The following MAF variants were observed in gnomAD, a reference collection of about 807,000 sequenced individuals.
The protein encoded by MAF is transcription factor Maf.
In MAF, 10 loss-of-function variants were observed where a neutral mutation model predicts 22.0. That is an observed-to-expected ratio of 0.45 (90% confidence interval 0.28 to 0.77). The LOEUF (loss-of-function observed/expected upper bound fraction) is 0.77, where lower values mean the gene tolerates loss of function less well. MAF is among the 30% of genes least tolerant of loss of function. The pLI is 0.12. For missense variants in MAF, 544 were observed against 548.4 expected (o/e 0.99, Z 0.08); for synonymous variants, 337 against 255.8 (o/e 1.32, Z -3.03).
At chr16:79,555,763 C>T in the MAF span, among the ~76,000 whole-genome samples, 21 of 152,302 alleles carry the variant, frequency 1.4e-4, no homozygotes, top group South Asian at 4.1e-3. Context: ...ATCCAAGACA[C>T]TTCTGATCTC....
the MAF span, among the ~76,000 whole-genome samples, chr16:79,483,968 C>A: frequency 1.3e-5 from 2 of 152,066 alleles, no homozygotes; most frequent in African/African-American, 4.8e-5. Flanking sequence ...TTGACAAATA[C>A]CAGTGGTGGT....
At chr16:79,428,372 C>G in the MAF span, among the ~76,000 whole-genome samples, 3 of 152,162 alleles carry the variant, frequency 2.0e-5, no homozygotes, top group African/African-American at 7.2e-5. Flanking sequence ...GCAGCCACCT[C>G]TAGCTGACCC....
chr16:79,314,918 G>A, the MAF span, among the ~76,000 whole-genome samples: 2 of 152,154 alleles, frequency 1.3e-5, no homozygotes, highest in Non-Finnish European at 2.9e-5. Context: ...CCCCATTGCA[G>A]GAAGTGACCT....
the MAF span, among the ~76,000 whole-genome samples, chr16:79,412,707 AGTT>A: frequency 2.6e-5 from 4 of 152,216 alleles, no homozygotes; most frequent in African/African-American, 9.6e-5. Flanking sequence ...AGGCTCCAGC[AGTT>A]GTTGTTAAGA....
chr16:79,230,569 C>G, the MAF span, among the ~76,000 whole-genome samples: 1 of 152,132 alleles, frequency 6.6e-6, no homozygotes, highest in Non-Finnish European at 1.5e-5. Context: ...GGTTCTACAG[C>G]TGAGCAACCT....
chr16:79,412,066 AGAGT>A, the MAF span, among the ~76,000 whole-genome samples: 2 of 152,220 alleles, frequency 1.3e-5, no homozygotes, highest in African/African-American at 2.4e-5. Context: ...CGTCAGGCAG[AGAGT>A]GAGTGTTTTC....
At chr16:79,524,913 C>A in the MAF span, among the ~76,000 whole-genome samples, 1 of 152,166 alleles carries the variant, frequency 6.6e-6, no homozygotes, top group African/African-American at 2.4e-5. Flanking sequence ...AACACGCACA[C>A]AGATACAGCC....
the MAF span, among the ~76,000 whole-genome samples, chr16:79,232,576 A>G: frequency 6.6e-6 from 1 of 152,044 alleles, no homozygotes; most frequent in Non-Finnish European, 1.5e-5. Context: ...TTAGAAGGAC[A>G]TTTCAGGCTT....
the MAF span, among the ~76,000 whole-genome samples, chr16:79,303,215 A>C: frequency 6.6e-6 from 1 of 152,240 alleles, no homozygotes; most frequent in African/African-American, 2.4e-5. Context: ...GAAGCATCTG[A>C]CTCTCATCTT....
the MAF span, among the ~76,000 whole-genome samples, chr16:79,259,738 G>C: frequency 6.6e-6 from 1 of 152,192 alleles, no homozygotes; most frequent in Non-Finnish European, 1.5e-5. Context: ...CCTAGCCTAA[G>C]AGAGTCCAGT....
the MAF span, among the ~76,000 whole-genome samples, chr16:79,411,602 A>T: frequency 6.6e-6 from 1 of 152,300 alleles, no homozygotes; most frequent in East Asian, 1.9e-4. Flanking sequence ...CTATAAATTG[A>T]GGTGAATCAC....
the MAF span, among the ~76,000 whole-genome samples, chr16:79,350,950 A>G: frequency 6.6e-6 from 1 of 151,774 alleles, no homozygotes; most frequent in African/African-American, 2.4e-5. Context: ...TCAAGAGGAA[A>G]CCCAGATGAT....
At chr16:79,398,312 G>A in the MAF span, among the ~76,000 whole-genome samples, 1 of 152,196 alleles carries the variant, frequency 6.6e-6, no homozygotes, top group Non-Finnish European at 1.5e-5. Context: ...TGACGTTAAT[G>A]CCATCTGCAA....
the MAF span, among the ~76,000 whole-genome samples, chr16:79,402,571 G>A: frequency 6.6e-6 from 1 of 152,250 alleles, no homozygotes; most frequent in South Asian, 2.1e-4. Context: ...ACCTCCAGGA[G>A]CAGGGCTGGC....
rs1913587880 is a variant in MAF, at chr16:79,597,240, A to G, written c.1118+1545T>C. On this transcript the variant is annotated intron_variant, in intron 1 of 1. Coordinates refer to ENST00000326043, the MANE Select transcript of MAF (RefSeq NM_005360.5). ...AGACCTAACTCTTTCAAATTTATCT[A>G]TAACATTCCTTTATCTGTAGCATAC... The G allele has an allele frequency of 2.9e-6, 3 of 1,050,176 alleles. 1 individual carries two copies. Among genetic ancestry groups the G allele is most frequent in the South Asian group, 9.2e-5 (2 of 21,826 alleles). 65.1% of individuals were successfully genotyped at this position (1,050,176 alleles called of 1,614,324 possible). A position where few individuals can be genotyped will look rare whatever the true frequency, so the allele number is the denominator to read the frequency against.
At chr16:79,327,230 G>C in the MAF span, among the ~76,000 whole-genome samples, 1 of 152,182 alleles carries the variant, frequency 6.6e-6, no homozygotes, top group African/African-American at 2.4e-5. Context: ...AGACCAGTTC[G>C]GTAGTGCCTG....
the MAF span, among the ~76,000 whole-genome samples, chr16:79,228,327 A>G: frequency 6.6e-6 from 1 of 152,018 alleles, no homozygotes; most frequent in Admixed American, 6.6e-5. Context: ...CAAATAATTC[A>G]CCCATTAACT....
the MAF span, among the ~76,000 whole-genome samples, chr16:79,217,545 C>T: frequency 6.6e-6 from 1 of 152,194 alleles, no homozygotes; most frequent in African/African-American, 2.4e-5. Context: ...GGCCCTCTCT[C>T]CTGTTCTGAC....
At chr16:79,581,514 G>A (rs2143663856), downstream of MAF, among the ~76,000 whole-genome samples, 1 of 151,286 alleles carries the variant, frequency 6.6e-6, no homozygotes, top group South Asian at 2.1e-4. Context: ...CTTTGTCTGT[G>A]GAACCCAATT....
Sources: allele counts gnomAD v4.1 joint callset (sites outside exome capture counted in the v4.1 genomes callset), GRCh38; gene constraint gnomAD v4.1.1; transcripts MANE v1.5; gene names NCBI Gene and HGNC (gene_info 2026-07-23, HGNC 2026-07-21).